Variants in BMAL1 observed in about 807,000 individuals in gnomAD.
BMAL1 encodes the protein basic helix-loop-helix ARNT like 1, also known as basic helix-loop-helix ARNT-like protein 1.
At chr11:13,287,687 G>C in the BMAL1 span, among the ~76,000 whole-genome samples, 1 of 152,292 alleles carries the variant, frequency 6.6e-6, no homozygotes, top group South Asian at 2.1e-4. Flanking sequence ...TTATTCTTCA[G>C]GTTGGTCAGG....
At chr11:13,373,007 T>C in the BMAL1 span, among the ~76,000 whole-genome samples, 6 of 152,328 alleles carry the variant, frequency 3.9e-5, no homozygotes, top group South Asian at 1.0e-3. Context: ...AGAACCATTA[T>C]TGTGATTGAA....
the BMAL1 span, among the ~76,000 whole-genome samples, chr11:13,297,599 C>T: frequency 1.7e-4 from 26 of 152,150 alleles, no homozygotes; most frequent in Non-Finnish European, 3.5e-4. Context: ...TTGCCCTTGC[C>T]ATGTGTCCCC....
At chr11:13,334,028 G>C in the BMAL1 span, among the ~76,000 whole-genome samples, 1 of 152,140 alleles carries the variant, frequency 6.6e-6, no homozygotes, top group Non-Finnish European at 1.5e-5. Context: ...TGCTTGCCAT[G>C]GGCCAGGCAC....
the BMAL1 span, among the ~76,000 whole-genome samples, chr11:13,310,210 AG>A: frequency 6.6e-6 from 1 of 152,194 alleles, no homozygotes; most frequent in Admixed American, 6.5e-5. Context: ...AGGGGTACAT[AG>A]GAAAAGTGAA....
At chr11:13,281,366 C>G in the BMAL1 span, among the ~76,000 whole-genome samples, 1 of 152,128 alleles carries the variant, frequency 6.6e-6, no homozygotes, top group Non-Finnish European at 1.5e-5. Flanking sequence ...TCTCCCATCT[C>G]CTGCTCCATT....
chr11:13,303,399 G>A, the BMAL1 span, among the ~76,000 whole-genome samples: 1 of 152,212 alleles, frequency 6.6e-6, no homozygotes, highest in South Asian at 2.1e-4. Flanking sequence ...ATGCTATGTG[G>A]TAATGAGAAC....
At chr11:13,292,546 C>A in the BMAL1 span, among the ~76,000 whole-genome samples, 4 of 84,086 alleles carry the variant, frequency 4.8e-5, no homozygotes, top group African/African-American at 7.2e-5. Context: ...GACTCCATCT[C>A]AAAAAAAAAA....
chr11:13,349,734 G>A, the BMAL1 span, among the ~76,000 whole-genome samples: 1 of 152,172 alleles, frequency 6.6e-6, no homozygotes, highest in East Asian at 1.9e-4. Context: ...TCATGTGTTT[G>A]CAGCTTAGCT....
the BMAL1 span, among the ~76,000 whole-genome samples, chr11:13,341,719 A>G: frequency 4.6e-5 from 7 of 152,382 alleles, no homozygotes; most frequent in African/African-American, 1.7e-4. Flanking sequence ...CTGAGTCTGT[A>G]GAACCAGGCT....
the BMAL1 span, among the ~76,000 whole-genome samples, chr11:13,366,439 A>G: frequency 7.2e-5 from 11 of 152,168 alleles, no homozygotes; most frequent in African/African-American, 1.9e-4. Context: ...TAAACTGTTT[A>G]TATAATTGAG....
chr11:13,356,676 T>C, the BMAL1 span: 3,065 of 1,592,154 alleles, frequency 1.9e-3, 62 homozygotes, highest in African/African-American at 0.036. Flanking sequence ...TTCTGTCTTA[T>C]GATAAGAAGC....
chr11:13,306,474 G>A, the BMAL1 span, among the ~76,000 whole-genome samples: 1 of 152,206 alleles, frequency 6.6e-6, no homozygotes, highest in African/African-American at 2.4e-5. Context: ...CAGAGGGAGG[G>A]GTCTAAGCGT....
the BMAL1 span, among the ~76,000 whole-genome samples, chr11:13,386,108 G>A: frequency 1.3e-5 from 2 of 152,186 alleles, no homozygotes; most frequent in African/African-American, 4.8e-5. Context: ...AGGGTGATTA[G>A]TAAGCATATC....
chr11:13,315,690 G>A, the BMAL1 span, among the ~76,000 whole-genome samples: 2 of 152,198 alleles, frequency 1.3e-5, no homozygotes, highest in Non-Finnish European at 2.9e-5. Flanking sequence ...ACCTCGGTTT[G>A]TGTGGTTATT....
At chr11:13,278,482 C>G in the BMAL1 span, among the ~76,000 whole-genome samples, 1 of 152,198 alleles carries the variant, frequency 6.6e-6, no homozygotes. Flanking sequence ...CTTTCGGGAG[C>G]CCGCGAGGCT....
the BMAL1 span, among the ~76,000 whole-genome samples, chr11:13,284,260 ATATATATT>A: frequency 5.0e-5 from 1 of 20,024 alleles, no homozygotes; most frequent in African/African-American, 1.3e-4. Context: ...ATATATATAT[ATATATATT>A]TTTTTTTTTA....
chr11:13,334,587 T>G, the BMAL1 span, among the ~76,000 whole-genome samples: 722 of 152,074 alleles, frequency 4.7e-3, 9 homozygotes, highest in African/African-American at 0.016. Context: ...TTAAAGTGCT[T>G]AGTCATGGTT....
At chr11:13,372,480 AGACTGGGCCATC>A in the BMAL1 span, 2 of 1,573,894 alleles carry the variant, frequency 1.3e-6, no homozygotes, top group South Asian at 2.4e-5. Context: ...AAAGCAGAGA[AGACTGGGCCATC>A]AGCTGGCTTT....
the BMAL1 span, among the ~76,000 whole-genome samples, chr11:13,335,805 A>G: frequency 4.5e-4 from 69 of 152,326 alleles, no homozygotes; most frequent in Admixed American, 2.8e-3. Flanking sequence ...CGGTGCCCCA[A>G]TACTTACATA....
Sources: allele counts gnomAD v4.1 joint callset (sites outside exome capture counted in the v4.1 genomes callset), GRCh38; gene constraint gnomAD v4.1.1; transcripts MANE v1.5; gene names NCBI Gene and HGNC (gene_info 2026-07-23, HGNC 2026-07-21).